ADGRV1: variants seen among roughly 807,000 people sequenced by gnomAD.
The protein encoded by ADGRV1 is adhesion G protein-coupled receptor V1, also known as G-protein coupled receptor 98.
ADGRV1 carries 359 observed loss-of-function variants against 596.2 expected under a neutral mutation model. The observed-to-expected ratio is 0.60, with a 90% CI of 0.55 to 0.66. ADGRV1 has a LOEUF of 0.66. ADGRV1 is among the 30% of genes least tolerant of loss of function. The pLI is 0.00. For synonymous variants in ADGRV1, 2,681 were observed against 2,679.2 expected, an observed-to-expected ratio of 1.00 and a Z score of -0.02; for missense variants, 7,274 against 7,575.6, an observed-to-expected ratio of 0.96 and a Z score of 1.48.
intron 85 of ADGRV1, among the ~76,000 whole-genome samples, chr5:90,989,993 T>C (rs1003365185): frequency 2.0e-5 from 3 of 152,164 alleles, no homozygotes; most frequent in African/African-American, 7.2e-5. Flanking sequence ...ATTTTTTGCA[T>C]TTTTAGTAGG....
chr5:90,882,401 T>C (rs1769881211), intron 83 of ADGRV1, among the ~76,000 whole-genome samples: 1 of 152,234 alleles, frequency 6.6e-6, no homozygotes, highest in South Asian at 2.1e-4. Flanking sequence ...TATTTCCTGA[T>C]GTGGAGAGAA....
intron 85 of ADGRV1, among the ~76,000 whole-genome samples, chr5:90,998,447 G>A (rs187081579): frequency 4.6e-5 from 7 of 151,600 alleles, no homozygotes; most frequent in East Asian, 3.9e-4. Context: ...ACCCTGTATC[G>A]GTATGTAATA....
chr5:90,857,838 A>C (rs1277496460), intron 82 of ADGRV1, among the ~76,000 whole-genome samples: 1 of 152,200 alleles, frequency 6.6e-6, no homozygotes, highest in Non-Finnish European at 1.5e-5. Context: ...TCTATAATTT[A>C]GGTCAAGACA....
At chr5:90,563,757 C>T (rs1755173705) in intron 1 of ADGRV1, among the ~76,000 whole-genome samples, 3 of 152,172 alleles carry the variant, frequency 2.0e-5, no homozygotes, top group Non-Finnish European at 4.4e-5. Context: ...TGAATAAGTG[C>T]TCTGAGGCAT....
chr5:90,609,895 A>G (rs536102591), intron 1 of ADGRV1, among the ~76,000 whole-genome samples: 3 of 152,028 alleles, frequency 2.0e-5, no homozygotes, highest in Non-Finnish European at 4.4e-5. Flanking sequence ...TCTGAAATGT[A>G]AAGAGATAGA....
rs547491754 is a variant in ADGRV1 at position 91,122,806 on chromosome 5, C to T, written c.18432+20466C>T. Among the ~76,000 whole-genome samples, 15 of 152,282 alleles carry T rather than the reference C, an allele frequency of 9.9e-5. No homozygotes were observed. In the South Asian group the frequency reaches 2.3e-3, roughly 23 times the overall value. The stretch of plus-strand genomic sequence containing the variant: ...TTTTCTCTTTCTCTTGCCCCCTCTC[C>T]GCTACTCTCTAGCTTGTGTTCTTTT... On this transcript the variant is annotated intron_variant, in intron 87 of 89. Coordinates refer to ENST00000405460, the MANE Select transcript of ADGRV1 (RefSeq NM_032119.4).
At chr5:90,588,623 G>T (rs1759083788) in intron 1 of ADGRV1, among the ~76,000 whole-genome samples, 1 of 152,232 alleles carries the variant, frequency 6.6e-6, no homozygotes, top group African/African-American at 2.4e-5. Context: ...TTCTAGTGAG[G>T]TGAGAAGGAA....
chr5:90,884,661 C>T (rs1214455725), intron 83 of ADGRV1, among the ~76,000 whole-genome samples: 3 of 152,100 alleles, frequency 2.0e-5, no homozygotes, highest in Non-Finnish European at 4.4e-5. Context: ...CTTTGTGACT[C>T]GAACCAAACT....
At chr5:91,011,707 T>C (rs1393083474) in intron 85 of ADGRV1, among the ~76,000 whole-genome samples, 3 of 151,954 alleles carry the variant, frequency 2.0e-5, no homozygotes, top group Non-Finnish European at 4.4e-5. Context: ...ATTGCCGGTA[T>C]TTTCCATTCA....
At chr5:90,701,891 T>G (rs112542482) in intron 34 of ADGRV1, among the ~76,000 whole-genome samples, 106 of 151,952 alleles carry the variant, frequency 7.0e-4, no homozygotes, top group Non-Finnish European at 1.0e-3. Context: ...ACATGGAAAT[T>G]TTTTGACCTG....
intron 54 of ADGRV1, among the ~76,000 whole-genome samples, chr5:90,754,752 G>A (rs1263459050): frequency 6.6e-6 from 1 of 152,088 alleles, no homozygotes; most frequent in Non-Finnish European, 1.5e-5. Context: ...CAGAAGTGGG[G>A]GATTAGAACT....
chr5:90,594,218 C>T (rs1232991420), intron 1 of ADGRV1, among the ~76,000 whole-genome samples: 1 of 151,934 alleles, frequency 6.6e-6, no homozygotes, highest in Non-Finnish European at 1.5e-5. Context: ...TCGTAATCCC[C>T]ACATGTCATG....
chr5:90,996,794 G>T (rs116682569), intron 85 of ADGRV1, among the ~76,000 whole-genome samples: 1,662 of 152,324 alleles, frequency 0.011, 31 homozygotes, highest in African/African-American at 0.038. Context: ...GGCCTTGGGA[G>T]CCCACGCCTA....
In ADGRV1 at chr5:90,629,410, A is replaced by C; in HGVS notation, c.1710A>C (p.Ala570=). The C allele has an allele frequency of 1.2e-6, 2 of 1,613,710 alleles. No homozygotes were observed. The highest frequency in any genetic ancestry group is 2.7e-5 in the African/African-American group (2 of 74,990). ...CTGGAGCTGTGGACCCCTTGCAAGC[A>C]AAAGAAGGCATCTTAAATATATCAA... ...IPAGAVDPLQ[A]KEGILNISRR... is the part of the protein sequence containing the mutation. The change falls in exon 9 of 90, where the codon GCA becomes GCC. Residue 570 remains alanine, a synonymous_variant. Transcript: ENST00000405460.
At chr5:90,754,030 CT>C (rs1270582917) in intron 54 of ADGRV1, among the ~76,000 whole-genome samples, 5 of 151,980 alleles carry the variant, frequency 3.3e-5, no homozygotes, top group African/African-American at 1.2e-4. Context: ...GGAAATGTGT[CT>C]TTTAAAAGAT....
intron 85 of ADGRV1, among the ~76,000 whole-genome samples, chr5:91,002,976 A>G (rs1469617550): frequency 6.6e-6 from 1 of 152,136 alleles, no homozygotes; most frequent in Non-Finnish European, 1.5e-5. Context: ...TATATGGAAA[A>G]TGTCAGCCCC....
intron 21 of ADGRV1, among the ~76,000 whole-genome samples, chr5:90,664,235 C>G (rs1770902836): frequency 1.4e-5 from 2 of 143,502 alleles, no homozygotes; most frequent in South Asian, 4.6e-4. Context: ...TTGATTCTTC[C>G]TACCCATGAG....
intron 83 of ADGRV1, among the ~76,000 whole-genome samples, chr5:90,872,761 C>A (rs574247207): frequency 6.6e-6 from 1 of 152,218 alleles, no homozygotes; most frequent in Non-Finnish European, 1.5e-5. Flanking sequence ...TTCCATAACC[C>A]CTTCTCCACC....
intron 11 of ADGRV1, among the ~76,000 whole-genome samples, chr5:90,638,835 T>G (rs1416361768): frequency 6.6e-6 from 1 of 152,178 alleles, no homozygotes; most frequent in Non-Finnish European, 1.5e-5. Flanking sequence ...TCTTATAGAT[T>G]TTTCTTTGTA....
Sources: allele counts gnomAD v4.1 joint callset (sites outside exome capture counted in the v4.1 genomes callset), GRCh38; gene constraint gnomAD v4.1.1; transcripts MANE v1.5; gene names NCBI Gene and HGNC (gene_info 2026-07-23, HGNC 2026-07-21).